Variants in SLC35D4 observed in about 807,000 individuals in gnomAD.
SLC35D4 encodes the protein UDP-N-acetylglucosamine transporter SLC35D4.
At chr18:23,278,204 C>G in the SLC35D4 span, among the ~76,000 whole-genome samples, 1 of 152,190 alleles carries the variant, frequency 6.6e-6, no homozygotes, top group African/African-American at 2.4e-5. Flanking sequence ...CCCACATACT[C>G]CCGCAACCTG....
the SLC35D4 span, among the ~76,000 whole-genome samples, chr18:23,341,140 T>C: frequency 1.3e-5 from 2 of 152,378 alleles, no homozygotes; most frequent in East Asian, 3.9e-4. Context: ...TTTATGAAGA[T>C]GCAGTTAGAT....
At chr18:23,354,136 T>A in the SLC35D4 span, among the ~76,000 whole-genome samples, 6 of 152,080 alleles carry the variant, frequency 3.9e-5, no homozygotes, top group African/African-American at 1.4e-4. Flanking sequence ...AAACTCTTCC[T>A]GGCATTTGGA....
the SLC35D4 span, among the ~76,000 whole-genome samples, chr18:23,313,000 G>A: frequency 5.3e-5 from 8 of 151,856 alleles, no homozygotes; most frequent in South Asian, 4.2e-4. Flanking sequence ...GATGGCGGGC[G>A]CCTGCAGTCC....
At chr18:23,318,906 C>T in the SLC35D4 span, among the ~76,000 whole-genome samples, 86 of 152,152 alleles carry the variant, frequency 5.7e-4, no homozygotes, top group African/African-American at 2.0e-3. Context: ...TACTGTAGCA[C>T]GATCTTGGCT....
At chr18:23,379,194 G>A in the SLC35D4 span, among the ~76,000 whole-genome samples, 1 of 151,478 alleles carries the variant, frequency 6.6e-6, no homozygotes, top group African/African-American at 2.4e-5. Context: ...CGTGATCTTG[G>A]CTCACTGCAA....
chr18:23,381,443 G>A, the SLC35D4 span, among the ~76,000 whole-genome samples: 183 of 152,268 alleles, frequency 1.2e-3, no homozygotes, highest in African/African-American at 4.3e-3. Flanking sequence ...GGCCTCAAGT[G>A]ATCCTCCTGC....
At chr18:23,370,328 G>GGA in the SLC35D4 span, 2 of 1,538,618 alleles carry the variant, frequency 1.3e-6, no homozygotes, top group Admixed American at 3.9e-5. Flanking sequence ...GCCTGTCCGG[G>GGA]GACACACAAA....
chr18:23,307,586 G>C, the SLC35D4 span, among the ~76,000 whole-genome samples: 1 of 145,648 alleles, frequency 6.9e-6, no homozygotes, highest in South Asian at 2.2e-4. Context: ...AGTTCAGAAG[G>C]CCTGTTTCCT....
chr18:23,385,162 A>G, the SLC35D4 span: 1 of 1,233,358 alleles, frequency 8.1e-7, no homozygotes, highest in Non-Finnish European at 1.1e-6. Flanking sequence ...AGAGCTGTGG[A>G]AACTTTTGGC....
At chr18:23,405,960 T>C in the SLC35D4 span, among the ~76,000 whole-genome samples, 1 of 152,216 alleles carries the variant, frequency 6.6e-6, no homozygotes, top group African/African-American at 2.4e-5. Context: ...GGTAAAGACA[T>C]GAGCTACAAG....
chr18:23,311,667 G>A, the SLC35D4 span, among the ~76,000 whole-genome samples: 11,370 of 152,188 alleles, frequency 0.075, 597 homozygotes, highest in Middle Eastern at 0.16. Flanking sequence ...GCCTAATCAA[G>A]TCTTCTCTTT....
chr18:23,376,141 C>T, the SLC35D4 span, among the ~76,000 whole-genome samples: 1 of 152,216 alleles, frequency 6.6e-6, no homozygotes. Context: ...GGAACTTTGC[C>T]ATATGCCATC....
the SLC35D4 span, among the ~76,000 whole-genome samples, chr18:23,377,477 GAA>G: frequency 6.6e-6 from 1 of 152,068 alleles, no homozygotes; most frequent in Admixed American, 6.6e-5. Flanking sequence ...AGAAAGAAAA[GAA>G]AAACACAAGA....
At chr18:23,289,920 G>A in the SLC35D4 span, among the ~76,000 whole-genome samples, 1 of 151,300 alleles carries the variant, frequency 6.6e-6, no homozygotes, top group African/African-American at 2.4e-5. Context: ...CCTATAAAAC[G>A]GCCCCACCCC....
chr18:23,249,909 T>C, the SLC35D4 span, among the ~76,000 whole-genome samples: 1 of 152,238 alleles, frequency 6.6e-6, no homozygotes, highest in Non-Finnish European at 1.5e-5. Flanking sequence ...GCAGCCACTC[T>C]GGGAGACCAG....
At chr18:23,325,517 G>C in the SLC35D4 span, among the ~76,000 whole-genome samples, 1 of 152,274 alleles carries the variant, frequency 6.6e-6, no homozygotes, top group African/African-American at 2.4e-5. Flanking sequence ...GTTGCACACT[G>C]AGTGTCCCTA....
the SLC35D4 span, among the ~76,000 whole-genome samples, chr18:23,403,388 A>G: frequency 6.6e-6 from 1 of 152,244 alleles, no homozygotes; most frequent in Non-Finnish European, 1.5e-5. Context: ...AAGCTTCCCC[A>G]TATACGTGAC....
the SLC35D4 span, among the ~76,000 whole-genome samples, chr18:23,262,610 C>T: frequency 6.6e-6 from 1 of 152,234 alleles, no homozygotes; most frequent in East Asian, 1.9e-4. Context: ...TGCAAGGCAC[C>T]CTTACCAGGT....
the SLC35D4 span, among the ~76,000 whole-genome samples, chr18:23,345,802 T>C: frequency 0.74 from 112,781 of 151,912 alleles, 42,358 homozygotes; most frequent in Middle Eastern, 0.86. Context: ...AATATTGTAT[T>C]TCTTGATTTT....
Sources: allele counts gnomAD v4.1 joint callset (sites outside exome capture counted in the v4.1 genomes callset), GRCh38; gene constraint gnomAD v4.1.1; transcripts MANE v1.5; gene names NCBI Gene and HGNC (gene_info 2026-07-23, HGNC 2026-07-21).